The following UBL3 variants were observed in gnomAD, a reference collection of about 807,000 sequenced individuals.
The protein encoded by UBL3 is ubiquitin like 3, also known as ubiquitin-like protein 3.
UBL3 carries 6 observed loss-of-function variants against 18.4 expected under a neutral mutation model. The ratio of observed to expected loss-of-function variants is 0.33; its 90% CI spans 0.18 to 0.64. The LOEUF (loss-of-function observed/expected upper bound fraction) is 0.64, where lower values mean the gene tolerates loss of function less well. UBL3 is among the 30% of genes least tolerant of loss of function. The pLI, the probability that UBL3 is intolerant of heterozygous loss-of-function variation, is 0.76. For missense variants in UBL3, 109 were observed against 142.9 expected, an observed-to-expected ratio of 0.76 and a Z score of 1.21; for synonymous variants, 49 against 46.6, an observed-to-expected ratio of 1.05 and a Z score of -0.21.
rs1463560968 is a variant in UBL3, at chr13:29,849,758, A to G, written c.-220T>C. The G allele has an allele frequency of 1.6e-6, 1 of 622,410 alleles. No homozygotes were observed. 38.6% of individuals were successfully genotyped at this position (622,410 alleles called of 1,614,324 possible). A position where few individuals can be genotyped will look rare whatever the true frequency, so the allele number is the denominator to read the frequency against. ...GAGCTGTGTGGCCGGAGCAGGAGGA[A>G]ACTCCCGGGACAGCAGAGGCAGCCC... On this transcript the variant is annotated 5_prime_UTR_variant, in exon 1 of 5. Transcript: ENST00000380680.
chr13:29,840,154 T>G (rs1468440569), intron 1 of UBL3, among the ~76,000 whole-genome samples: 1 of 151,868 alleles, frequency 6.6e-6, no homozygotes, highest in Admixed American at 6.6e-5. Context: ...ATAAGCAGAT[T>G]TTGAAAAGGA....
At chr13:29,814,031 C>T (rs538704178) in intron 1 of UBL3, among the ~76,000 whole-genome samples, 3 of 152,072 alleles carry the variant, frequency 2.0e-5, no homozygotes, top group African/African-American at 4.8e-5. Context: ...ATGCAAATCA[C>T]GCTTCTTCAG....
chr13:29,779,608 G>A (rs969547120), intron 1 of UBL3, among the ~76,000 whole-genome samples: 4 of 152,090 alleles, frequency 2.6e-5, no homozygotes, highest in African/African-American at 9.7e-5. Flanking sequence ...CTATCAATAT[G>A]GAAATGGGAA....
intron 1 of UBL3, among the ~76,000 whole-genome samples, chr13:29,829,123 C>A (rs114952316): frequency 3.3e-5 from 5 of 152,266 alleles, no homozygotes; most frequent in African/African-American, 1.2e-4. Context: ...TCCCAGTAGG[C>A]TACTAGGGGG....
At position 29,767,125 on chromosome 13, in the gene UBL3, A is replaced by G; in HGVS notation, c.*130T>C. 1 of 772,998 alleles carries G rather than the reference A, an allele frequency of 1.3e-6. No individual in the cohort carries two copies. Among genetic ancestry groups the G allele is most frequent in the Non-Finnish European group, 2.0e-6 (1 of 490,730 alleles). The allele number at this position is 772,998 out of a possible 1,614,324, so 47.9% of individuals were successfully genotyped here. A position where few individuals can be genotyped will look rare whatever the true frequency, so the allele number is the denominator to read the frequency against. ...TTCATGAGAAAAGATGACAGTGTTC[A>G]TGTGGTAATTCAGTTCCATGTGTTT... On this transcript the variant is annotated 3_prime_UTR_variant, in exon 5 of 5. Transcript: ENST00000380680.
chr13:29,791,664 C>G (rs1362722471), intron 1 of UBL3, among the ~76,000 whole-genome samples: 1 of 152,178 alleles, frequency 6.6e-6, no homozygotes, highest in Non-Finnish European at 1.5e-5. Flanking sequence ...CTTCCTTCCT[C>G]AGAGTTTCCA....
At chr13:29,833,479 T>C (rs752425961) in intron 1 of UBL3, among the ~76,000 whole-genome samples, 2 of 152,000 alleles carry the variant, frequency 1.3e-5, no homozygotes, top group African/African-American at 2.4e-5. Flanking sequence ...ACATAAAAAT[T>C]TGAGAACATG....
intron 1 of UBL3, among the ~76,000 whole-genome samples, chr13:29,801,434 A>G (rs948997749): frequency 2.6e-5 from 4 of 152,174 alleles, no homozygotes; most frequent in Admixed American, 2.0e-4. Flanking sequence ...TCACACTTAA[A>G]GCATGACAGT....
intron 1 of UBL3, among the ~76,000 whole-genome samples, chr13:29,827,136 T>C (rs1878644156): frequency 6.6e-6 from 1 of 152,206 alleles, no homozygotes; most frequent in African/African-American, 2.4e-5. Context: ...AAGTGCGATG[T>C]GGTGCTGAGA....
chr13:29,796,784 C>A, intron 1 of UBL3, among the ~76,000 whole-genome samples: 1 of 152,206 alleles, frequency 6.6e-6, no homozygotes, highest in Non-Finnish European at 1.5e-5. Context: ...TCTTGGATCT[C>A]TACCATGACT....
intron 1 of UBL3, among the ~76,000 whole-genome samples, chr13:29,832,140 C>T (rs777791309): frequency 3.3e-5 from 5 of 152,130 alleles, no homozygotes; most frequent in Non-Finnish European, 7.3e-5. Flanking sequence ...CTGTGCTAGA[C>T]ACAGCAGTTT....
intron 1 of UBL3, among the ~76,000 whole-genome samples, chr13:29,835,156 A>T (rs1878922308): frequency 3.6e-5 from 2 of 54,930 alleles, no homozygotes; most frequent in Non-Finnish European, 6.2e-5. Flanking sequence ...ATATATATAT[A>T]TATATATATA....
intron 1 of UBL3, among the ~76,000 whole-genome samples, chr13:29,830,425 TA>T (rs1265499478): frequency 1.2e-4 from 18 of 152,288 alleles, no homozygotes; most frequent in African/African-American, 4.3e-4. Context: ...CCCAAAGGAG[TA>T]AGGTAGACAG....
Position 29,849,648 on chromosome 13 carries a change from T to C in UBL3, c.-110A>G. On this transcript the variant is annotated 5_prime_UTR_variant, in exon 1 of 5. Transcript: ENST00000380680. ...CCACGATTTTGACTGGTTCGTGATG[T>C]GCTTTCTCCCCCAAAAATAAAGTTA... 1 of 1,390,024 alleles carries C rather than the reference T, an allele frequency of 7.2e-7. No individual in the cohort carries two copies. Among genetic ancestry groups the C allele is most frequent in the Non-Finnish European group, 1.0e-6 (1 of 997,116 alleles). The allele number at this position is 1,390,024 out of a possible 1,614,324, so 86.1% of individuals were successfully genotyped here. A position where few individuals can be genotyped will look rare whatever the true frequency, so the allele number is the denominator to read the frequency against.
At chr13:29,809,060 C>T (rs979699030) in intron 1 of UBL3, among the ~76,000 whole-genome samples, 5 of 152,044 alleles carry the variant, frequency 3.3e-5, no homozygotes, top group Admixed American at 1.3e-4. Context: ...ATTTTGAGCA[C>T]CTACCCTAGA....
chr13:29,808,337 AAATT>A (rs869028119), intron 1 of UBL3, among the ~76,000 whole-genome samples: 1 of 78,712 alleles, frequency 1.3e-5, no homozygotes. Context: ...TGACTACTTT[AAATT>A]AATTACAAAA....
intron 1 of UBL3, among the ~76,000 whole-genome samples, chr13:29,827,567 G>A (rs1282333055): frequency 3.9e-5 from 6 of 152,146 alleles, no homozygotes; most frequent in African/African-American, 1.4e-4. Context: ...TTGAGCCTAT[G>A]TGTGTCTCTG....
chr13:29,833,260 AAT>A (rs1296155933), intron 1 of UBL3, among the ~76,000 whole-genome samples: 2 of 151,024 alleles, frequency 1.3e-5, no homozygotes, highest in Admixed American at 1.3e-4. Flanking sequence ...GGATGACTAA[AAT>A]AAAAAGACGT....
intron 1 of UBL3, among the ~76,000 whole-genome samples, chr13:29,781,636 A>C (rs1877177329): frequency 6.6e-6 from 1 of 151,828 alleles, no homozygotes; most frequent in Non-Finnish European, 1.5e-5. Flanking sequence ...GAAAAATGTA[A>C]ATGGGAAATC....
Sources: gnomAD v4.1 joint callset for allele counts (sites outside exome capture counted in the v4.1 genomes callset) on GRCh38, gnomAD v4.1.1 for gene constraint, MANE v1.5 for transcripts, NCBI Gene and HGNC (gene_info 2026-07-23, HGNC 2026-07-21) for gene names.